Variants in PDE4D observed in about 807,000 individuals in gnomAD.
The protein encoded by PDE4D is phosphodiesterase 4D, also known as 3',5'-cyclic-AMP phosphodiesterase 4D.
Under a neutral mutation model 87.4 loss-of-function variants are expected in PDE4D, and 24 were observed. The observed-to-expected ratio is 0.27, with a 90% confidence interval of 0.20 to 0.39. The LOEUF is 0.39. Among genes scored for constraint, PDE4D ranks in the 10% least tolerant of loss-of-function variants. The pLI, the probability that PDE4D is intolerant of heterozygous loss-of-function variation, is 1.00. For missense variants in PDE4D, 714 were observed against 1,041.0 expected, an observed-to-expected ratio of 0.69 and a Z score of 4.32; for synonymous variants, 384 against 383.2, an observed-to-expected ratio of 1.00 and a Z score of -0.02.
intron 2 of PDE4D, among the ~76,000 whole-genome samples, chr5:60,018,085 T>C (rs1765698048): frequency 6.6e-6 from 1 of 152,152 alleles, no homozygotes; most frequent in Non-Finnish European, 1.5e-5. Flanking sequence ...GTTGGCTGTA[T>C]GTATGTCTAC....
intron 1 of PDE4D, among the ~76,000 whole-genome samples, chr5:60,268,570 C>G (rs1280607203): frequency 2.7e-4 from 41 of 152,204 alleles, no homozygotes; most frequent in Admixed American, 2.7e-3. Context: ...AGTTTCAAGG[C>G]AAAAGCTTAA....
At chr5:59,077,048 T>C (rs1765793809) in intron 5 of PDE4D, among the ~76,000 whole-genome samples, 1 of 152,130 alleles carries the variant, frequency 6.6e-6, no homozygotes, top group Non-Finnish European at 1.5e-5. Flanking sequence ...ACATAAAAAC[T>C]TGGGTTCAAA....
intron 2 of PDE4D, among the ~76,000 whole-genome samples, chr5:60,162,342 A>G (rs530675154): frequency 2.0e-5 from 3 of 152,214 alleles, no homozygotes; most frequent in South Asian, 4.1e-4. Flanking sequence ...CTATTCTTCC[A>G]TGTCAACTAA....
intron 2 of PDE4D, among the ~76,000 whole-genome samples, chr5:59,210,652 C>T (rs1749873444): frequency 6.6e-6 from 1 of 152,216 alleles, no homozygotes; most frequent in South Asian, 2.1e-4. Context: ...AATCTACTCA[C>T]TTCCTCGTCA....
At chr5:59,401,870 C>T (rs1181032446) in intron 1 of PDE4D, among the ~76,000 whole-genome samples, 1 of 152,198 alleles carries the variant, frequency 6.6e-6, no homozygotes, top group Non-Finnish European at 1.5e-5. Context: ...TTCAGGAAGC[C>T]TGGCAGTCCT....
At chr5:59,636,011 T>C (rs1279540199) in intron 1 of PDE4D, among the ~76,000 whole-genome samples, 3 of 152,210 alleles carry the variant, frequency 2.0e-5, no homozygotes. Context: ...AAAAACTCCT[T>C]AAGCTGATAA....
chr5:59,295,970 C>T (rs149772207), intron 1 of PDE4D, among the ~76,000 whole-genome samples: 1 of 152,072 alleles, frequency 6.6e-6, no homozygotes, highest in African/African-American at 2.4e-5. Context: ...AAGGAGGTAG[C>T]TGCTATTCAG....
intron 11 of PDE4D, among the ~76,000 whole-genome samples, chr5:58,988,082 G>C (rs2153334726): frequency 6.6e-6 from 1 of 152,282 alleles, no homozygotes; most frequent in East Asian, 1.9e-4. Flanking sequence ...GGTTGGGCAT[G>C]GAGGAGGAAG....
chr5:59,865,860 T>C (rs1431412271), intron 1 of PDE4D, among the ~76,000 whole-genome samples: 2 of 152,198 alleles, frequency 1.3e-5, no homozygotes, highest in Non-Finnish European at 2.9e-5. Context: ...CAAAGGGACA[T>C]GAAAGACATG....
At chr5:59,325,477 A>G (rs1307289201) in intron 1 of PDE4D, among the ~76,000 whole-genome samples, 1 of 152,202 alleles carries the variant, frequency 6.6e-6, no homozygotes, top group Non-Finnish European at 1.5e-5. Flanking sequence ...GGACCTACAC[A>G]GTAGTGTATT....
At chr5:60,493,448 A>C (rs1302202624) in intron 1 of PDE4D, among the ~76,000 whole-genome samples, 1 of 152,196 alleles carries the variant, frequency 6.6e-6, no homozygotes, top group Non-Finnish European at 1.5e-5. Flanking sequence ...CCTCCCATTG[A>C]TGAGAAATTT....
chr5:59,708,986 G>A (rs574659072), intron 1 of PDE4D, among the ~76,000 whole-genome samples: 60 of 150,772 alleles, frequency 4.0e-4, no homozygotes, highest in African/African-American at 1.1e-3. Flanking sequence ...ACCCTTATCT[G>A]ATGTTGAGAA....
chr5:60,507,371 G>A (rs1000700579), intron 1 of PDE4D, among the ~76,000 whole-genome samples: 3 of 152,066 alleles, frequency 2.0e-5, no homozygotes, highest in African/African-American at 2.4e-5. Flanking sequence ...CACCGCACCC[G>A]GCCTAAGTGA....
At chr5:59,496,518 G>A (rs1015178860) in intron 1 of PDE4D, among the ~76,000 whole-genome samples, 5 of 152,012 alleles carry the variant, frequency 3.3e-5, no homozygotes, top group Admixed American at 3.3e-4. Context: ...TTCCCCAGTC[G>A]GCTTCCTTGT....
intron 1 of PDE4D, among the ~76,000 whole-genome samples, chr5:60,516,839 C>G (rs1750821305): frequency 1.3e-5 from 2 of 152,194 alleles, no homozygotes; most frequent in African/African-American, 4.8e-5. Flanking sequence ...CCAGCTGCAG[C>G]AGGCAAGGCG....
intron 1 of PDE4D, among the ~76,000 whole-genome samples, chr5:60,439,931 A>AC (rs1554036398): frequency 2.0e-5 from 3 of 149,550 alleles, no homozygotes; most frequent in African/African-American, 7.5e-5. Flanking sequence ...AAAAAAACAA[A>AC]AAAAAAAAAC....
rs1021827246 is a variant in PDE4D at position 59,230,254 on chromosome 5, G to A, written c.456-14286C>T. On this transcript the variant is annotated intron_variant, in intron 1 of 14. Coordinates refer to ENST00000340635, the MANE Select transcript of PDE4D (RefSeq NM_001104631.2). ...TCAAAATTTCTCTTGTTAGTTGCAC[G>A]TGTTTATTTTTCCCAGATCAGTGAG... is the stretch of plus-strand genomic sequence containing the variant. Among the ~76,000 whole-genome samples the A allele has an allele frequency of 3.3e-5, 5 of 151,848 alleles. No homozygotes were observed. The South Asian group carries it at 1.0e-3, about 32-fold the overall frequency.
chr5:58,975,090 A>G lies in PDE4D; in HGVS notation c.2014-10T>C. The G allele has an allele frequency of 6.9e-7, 1 of 1,456,696 alleles. No homozygotes were observed. 90.2% of individuals were successfully genotyped at this position (1,456,696 alleles called of 1,614,324 possible). Reference sequence around the variant, plus strand: ...AGTCTATGAAGCCCACCTAGTTAAGAAAAAAATCCAGTATGAGTAGAGGAC... The same window carrying G: ...AGTCTATGAAGCCCACCTAGTTAAGGAAAAAATCCAGTATGAGTAGAGGAC... On this transcript the variant is annotated splice_polypyrimidine_tract_variant and intron_variant, in intron 14 of 14. Coordinates refer to ENST00000340635, the MANE Select transcript of PDE4D (RefSeq NM_001104631.2). This position sits in a 1 kb window ranked among gnomAD's most constrained non-coding sequence, Gnocchi z 4.2.
At chr5:60,408,390 C>A (rs1326908264) in intron 1 of PDE4D, among the ~76,000 whole-genome samples, 2 of 152,194 alleles carry the variant, frequency 1.3e-5, no homozygotes, top group African/African-American at 4.8e-5. Context: ...GGGTGTGGCC[C>A]TAAAACTCTC....
Sources: gnomAD v4.1 joint callset for allele counts (sites outside exome capture counted in the v4.1 genomes callset) on GRCh38, gnomAD v4.1.1 for gene constraint, Gnocchi (gnomAD v3.1) non-coding constraint, MANE v1.5 for transcripts, NCBI Gene and HGNC (gene_info 2026-07-23, HGNC 2026-07-21) for gene names.